RHD: variants seen among roughly 807,000 people sequenced by gnomAD.
RHD encodes blood group Rh(D) polypeptide.
A neutral mutation model predicts 45.5 loss-of-function variants in RHD; 16 were observed. The ratio of observed to expected loss-of-function variants is 0.35; its 90% CI spans 0.24 to 0.53. The LOEUF is 0.53. Ranked by LOEUF, RHD falls within the 20% of genes least tolerant of loss-of-function variation. The pLI, the probability that RHD is intolerant of heterozygous loss-of-function variation, is 0.92. For missense variants in RHD, 306 were observed against 532.0 expected (o/e 0.58, Z 4.18); for synonymous variants, 131 against 217.5 (o/e 0.60, Z 3.50).
rs567122200 is a variant in RHD at position 25,330,230 on chromosome 1, G to A, written c.*1306G>A. ...AACAGGATGTGGAAAATGAATAAGC[G>A]GTTTTCTTAGGCACTTCTTAACAGA... On this transcript the variant is annotated 3_prime_UTR_variant, in exon 10 of 10. Coordinates refer to ENST00000328664, the MANE Select transcript of RHD (RefSeq NM_016124.6). 3.8e-5 allele frequency: 5 copies of A among 132,698 alleles called. 1 individual carries two copies. Among genetic ancestry groups the A allele is most frequent in the African/African-American group, 1.0e-4 (4 of 39,000 alleles). 8.2% of individuals were successfully genotyped at this position (132,698 alleles called of 1,614,324 possible).
chr1:25,272,619 C>T lies in RHD; in HGVS notation c.72C>T (p.Leu24=). ...PLWALTLEAA[L]ILLFYFFTHY... is the part of the protein sequence containing the mutation. Reference sequence around the variant, plus strand: ...GGGCCCTAACACTGGAAGCAGCTCTCATTCTCCTCTTCTATTTTTTTACCC... The same window carrying T: ...GGGCCCTAACACTGGAAGCAGCTCTTATTCTCCTCTTCTATTTTTTTACCC... The change falls in exon 1 of 10, where the codon CTC becomes CTT. Residue 24 remains leucine, a synonymous_variant. Coordinates refer to ENST00000328664, the MANE Select transcript of RHD (RefSeq NM_016124.6). The T allele has an allele frequency of 6.3e-7, 1 of 1,578,304 alleles. No homozygotes were observed. The highest frequency in any genetic ancestry group is 8.7e-7 in the Non-Finnish European group (1 of 1,154,074).
intron 3 of RHD, chr1:25,294,326 GC>G: frequency 4.3e-6 from 5 of 1,161,320 alleles, no homozygotes; most frequent in Non-Finnish European, 3.8e-6. Context: ...CTTGTCCAAG[GC>G]CCCAGTGACC....
intron 3 of RHD, chr1:25,294,105 A>C: frequency 1.5e-6 from 1 of 661,440 alleles, no homozygotes; most frequent in East Asian, 2.5e-5. Flanking sequence ...GCTTAATGGC[A>C]TGACAAAGCA....
At position 25,322,206 on chromosome 1, in the gene RHD, G is replaced by T. The variant is rs190554218; in HGVS notation, c.1227+244G>T. Among the ~76,000 whole-genome samples the T allele has an allele frequency of 1.1e-3, 151 of 132,010 alleles. 17 individuals are homozygous for T. Among genetic ancestry groups the T allele is most frequent in the African/African-American group, 3.7e-3 (145 of 38,790 alleles). 86.6% of individuals were successfully genotyped at this position (132,010 alleles called of 152,430 possible). ...CAAATTCATTCAGAGTCAGGGATGA[G>T]ACAGCTTTCACTGGCCACACTTCCC... On this transcript the variant is annotated intron_variant, in intron 9 of 9. Coordinates refer to ENST00000328664, the MANE Select transcript of RHD (RefSeq NM_016124.6).
In RHD at chr1:25,311,965, T is replaced by A. The variant is rs1644173710; in HGVS notation, c.1074-5035T>A. On this transcript the variant is annotated intron_variant, in intron 7 of 9. Coordinates refer to ENST00000328664, the MANE Select transcript of RHD (RefSeq NM_016124.6). ...GCAGGGTCTAGTGGAGCTACAAGGG[T>A]GGGGCCACCGCCAAGACCCCAGAAT... Among the ~76,000 whole-genome samples the A allele has an allele frequency of 2.4e-5, 3 of 126,980 alleles. 1 individual carries two copies. The highest frequency in any genetic ancestry group is 8.3e-5 in the African/African-American group (3 of 36,096). 83.3% of individuals were successfully genotyped at this position (126,980 alleles called of 152,430 possible). A position where few individuals can be genotyped will look rare whatever the true frequency, so the allele number is the denominator to read the frequency against.
intron 7 of RHD, among the ~76,000 whole-genome samples, chr1:25,315,568 C>G (rs1644396223): frequency 8.1e-6 from 1 of 122,880 alleles, no homozygotes; most frequent in Non-Finnish European, 1.9e-5. Context: ...GTGATCTCAG[C>G]TCACTGCAAA....
rs1420628423 is a variant in RHD at position 25,322,139 on chromosome 1, G to A, written c.1227+177G>A. 1.5e-5 allele frequency among the ~76,000 whole-genome samples: 2 copies of A among 131,260 alleles called. 1 individual carries two copies. Among genetic ancestry groups the A allele is most frequent in the South Asian group, 4.7e-4 (2 of 4,278 alleles). 86.1% of individuals were successfully genotyped at this position (131,260 alleles called of 152,430 possible). A position where few individuals can be genotyped will look rare whatever the true frequency, so the allele number is the denominator to read the frequency against. ...CATGATATGCATGTGTGTGGGGGAG[G>A]GTGGCGGGGAGGTGGTAAAGGTCAC... On this transcript the variant is annotated intron_variant, in intron 9 of 9. Transcript: ENST00000328664.
At chr1:25,319,767 C>A (rs150816751) in intron 8 of RHD, among the ~76,000 whole-genome samples, 1,911 of 132,612 alleles carry the variant, frequency 0.014, 302 homozygotes, top group African/African-American at 0.044. Context: ...TCCTATCAAG[C>A]ATAGTTATTG....
intron 8 of RHD, among the ~76,000 whole-genome samples, chr1:25,320,281 C>T (rs866913540): frequency 7.6e-6 from 1 of 131,892 alleles, no homozygotes; most frequent in Non-Finnish European, 1.8e-5. Flanking sequence ...CAGCTACACA[C>T]CTTTTCCACG....
At chr1:25,308,979 T>G (rs1215922676) in intron 7 of RHD, among the ~76,000 whole-genome samples, 1 of 131,696 alleles carries the variant, frequency 7.6e-6, no homozygotes, top group Admixed American at 7.4e-5. Flanking sequence ...CATAGCCCCG[T>G]TCTTTATGAT....
In RHD at chr1:25,307,699, C is replaced by A. The variant is rs779913900; in HGVS notation, c.1073+970C>A. 1.9e-4 allele frequency: 242 copies of A among 1,307,574 alleles called. 66 individuals carry two copies. The highest frequency in any genetic ancestry group is 5.6e-4 in the Middle Eastern group (3 of 5,310). 81.0% of individuals were successfully genotyped at this position (1,307,574 alleles called of 1,614,324 possible). A position where few individuals can be genotyped will look rare whatever the true frequency, so the allele number is the denominator to read the frequency against. On this transcript the variant is annotated intron_variant, in intron 7 of 9. Coordinates refer to ENST00000328664, the MANE Select transcript of RHD (RefSeq NM_016124.6). Reference sequence around the variant, plus strand: ...AATGGCTGAAGCAGGTGATGAGGAGCTGATGCGTTTGGACGTGTCTCAGAG... The same window carrying A: ...AATGGCTGAAGCAGGTGATGAGGAGATGATGCGTTTGGACGTGTCTCAGAG...
chr1:25,293,644 G>A (rs1319538394), intron 3 of RHD, among the ~76,000 whole-genome samples: 5 of 131,258 alleles, frequency 3.8e-5, no homozygotes, highest in East Asian at 1.9e-4. Flanking sequence ...TGAGATAGCA[G>A]CATTTCCTAA....
chr1:25,310,686 A>G (rs1644093143), intron 7 of RHD, among the ~76,000 whole-genome samples: 1 of 132,922 alleles, frequency 7.5e-6, no homozygotes, highest in African/African-American at 2.5e-5. Context: ...AGAATGGAGC[A>G]TTATGCCAGG....
At chr1:25,285,734 G>A (rs1459430539) in intron 2 of RHD, among the ~76,000 whole-genome samples, 3 of 135,146 alleles carry the variant, frequency 2.2e-5, no homozygotes, top group Admixed American at 7.1e-5. Flanking sequence ...AAGGGCATTG[G>A]CACTTAATAG....
At position 25,293,676 on chromosome 1, in the gene RHD, T is replaced by C. The variant is rs899855564; in HGVS notation, c.486+2885T>C. 1.5e-5 allele frequency among the ~76,000 whole-genome samples: 2 copies of C among 131,656 alleles called. 1 individual carries two copies. Among genetic ancestry groups the C allele is most frequent in the Non-Finnish European group, 3.6e-5 (2 of 55,812 alleles). 86.4% of individuals were successfully genotyped at this position (131,656 alleles called of 152,430 possible). Reference sequence around the variant, plus strand: ...CTAATTTTAAAATTTCCCTAGTATATGTAACCATCAGTAGGTGGTATCTAC... The same window carrying C: ...CTAATTTTAAAATTTCCCTAGTATACGTAACCATCAGTAGGTGGTATCTAC... On this transcript the variant is annotated intron_variant, in intron 3 of 9. Coordinates refer to ENST00000328664, the MANE Select transcript of RHD (RefSeq NM_016124.6).
At position 25,284,733 on chromosome 1, in the gene RHD, T is replaced by C. The variant is rs1463208731; in HGVS notation, c.309T>C (p.Ser103=). Residue 103 remains serine (S), a synonymous_variant, in exon 2 of 10, where the codon TCT becomes TCC. Transcript: ENST00000328664. The part of the protein sequence containing the change: ...LLDGFLSQFP[S]GKVVITLFSI... The stretch of plus-strand genomic sequence containing the variant: ...ACGGCTTCCTGAGCCAGTTCCCTTC[T>C]GGGAAGGTGGTCATCACACTGTTCA... 7.2e-7 allele frequency: 1 copy of C among 1,388,828 alleles called. No individual in the cohort carries two copies. Among genetic ancestry groups the C allele is most frequent in the Admixed American group, 1.8e-5 (1 of 56,602 alleles). The allele number at this position is 1,388,828 out of a possible 1,614,324, so 86.0% of individuals were successfully genotyped here.
At chr1:25,307,744 G>C in intron 7 of RHD, 1 of 1,307,304 alleles carries the variant, frequency 7.6e-7, no homozygotes, top group East Asian at 2.5e-5. Flanking sequence ...AGGCGCTGCG[G>C]TTCCTACCGG....
intron 2 of RHD, among the ~76,000 whole-genome samples, chr1:25,288,853 A>G (rs1371140103): frequency 1.5e-5 from 2 of 130,320 alleles, no homozygotes; most frequent in East Asian, 3.9e-4. Flanking sequence ...AATGAAATGA[A>G]CACCCACTTA....
Position 25,292,492 on chromosome 1 carries a change from G to T in RHD, c.486+1701G>T, listed in dbSNP as rs1380782161. Among the ~76,000 whole-genome samples the T allele has an allele frequency of 2.3e-5, 3 of 132,012 alleles. No homozygotes were observed. In the East Asian group the frequency reaches 5.8e-4, roughly 26 times the overall value. The allele number at this position is 132,012 out of a possible 152,430, so 86.6% of individuals were successfully genotyped here. ...AGGATTTGCTGATAGACTGCACGTG[G>T]GGTGGGAGAGGGTCAAGATGACTTC... On this transcript the variant is annotated intron_variant, in intron 3 of 9. Transcript: ENST00000328664.
Sources: gnomAD v4.1 joint callset for allele counts (sites outside exome capture counted in the v4.1 genomes callset) on GRCh38, gnomAD v4.1.1 for gene constraint, MANE v1.5 for transcripts, NCBI Gene and HGNC (gene_info 2026-07-23, HGNC 2026-07-21) for gene names.